The following CDH4 variants were observed in gnomAD, a reference collection of about 807,000 sequenced individuals.
CDH4 encodes cadherin 4, also known as cadherin-4.
Under a neutral mutation model 86.0 loss-of-function variants are expected in CDH4, and 33 were observed. That is an observed-to-expected ratio of 0.38 (90% CI 0.29 to 0.51). CDH4 has a LOEUF of 0.51. Among genes scored for constraint, CDH4 ranks in the 20% least tolerant of loss-of-function variants. The pLI, the probability that CDH4 is intolerant of heterozygous loss-of-function variation, is 0.86. For synonymous variants in CDH4, 555 were observed against 549.4 expected (o/e 1.01, Z -0.14); for missense variants, 1,114 against 1,307.4 (o/e 0.85, Z 2.28).
intron 6 of CDH4, among the ~76,000 whole-genome samples, chr20:61,864,125 C>T (rs1048468752): frequency 2.0e-5 from 3 of 152,258 alleles, no homozygotes; most frequent in Non-Finnish European, 4.4e-5. Flanking sequence ...GGGCCTAAGA[C>T]GGTGGAGGCA....
intron 2 of CDH4, among the ~76,000 whole-genome samples, chr20:61,282,575 G>T (rs116710818): frequency 0.014 from 2,116 of 151,608 alleles, 39 homozygotes; most frequent in African/African-American, 0.049. Context: ...GTGTGTGTAT[G>T]TCTATCTGTA....
chr20:61,923,307 G>T, intron 9 of CDH4, 144 bp from the exon 10 acceptor site: 1 of 811,964 alleles, frequency 1.2e-6, no homozygotes, highest in Non-Finnish European at 2.0e-6. Context: ...GGGACCCTTT[G>T]GGGCCTCCTG....
chr20:61,432,477 A>G (rs2085253276), intron 2 of CDH4, among the ~76,000 whole-genome samples: 1 of 152,082 alleles, frequency 6.6e-6, no homozygotes, highest in African/African-American at 2.4e-5. Context: ...ACCATTATTC[A>G]ATTGTATATC....
intron 2 of CDH4, among the ~76,000 whole-genome samples, chr20:61,352,753 C>T (rs560270358): frequency 2.0e-5 from 3 of 152,164 alleles, no homozygotes; most frequent in Admixed American, 2.0e-4. Flanking sequence ...GCCATTCACT[C>T]CCCCCGGTCA....
intron 7 of CDH4, among the ~76,000 whole-genome samples, chr20:61,893,352 A>G (rs1256125724): frequency 0.014 from 553 of 38,862 alleles, no homozygotes; most frequent in East Asian, 0.026. Context: ...TGGATAAATG[A>G]ATGGGTGGGT....
chr20:61,638,023 C>A (rs1600828997), intron 2 of CDH4, among the ~76,000 whole-genome samples: 1 of 49,204 alleles, frequency 2.0e-5, no homozygotes, highest in South Asian at 7.6e-4. Flanking sequence ...AAGAATAAAA[C>A]TCCGTCTAAA....
At chr20:61,432,617 A>G (rs889276881) in intron 2 of CDH4, among the ~76,000 whole-genome samples, 1 of 152,112 alleles carries the variant, frequency 6.6e-6, no homozygotes. Flanking sequence ...ATATATTTCA[A>G]TATACATATT....
At chr20:61,815,380 G>A (rs1217759541) in intron 4 of CDH4, among the ~76,000 whole-genome samples, 2 of 152,226 alleles carry the variant, frequency 1.3e-5, no homozygotes, top group Non-Finnish European at 2.9e-5. Flanking sequence ...TGGCCTCTGT[G>A]ATAACTCCAG....
At chr20:61,931,787 C>T (rs2055113564) in intron 13 of CDH4, among the ~76,000 whole-genome samples, 1 of 152,150 alleles carries the variant, frequency 6.6e-6, no homozygotes, top group African/African-American at 2.4e-5. Context: ...ACACGGACCT[C>T]GGAAGGCAGG....
At position 61,480,495 on chromosome 20, in the gene CDH4, G is replaced by A. The variant is rs2085562810; in HGVS notation, c.169+225558G>A. On this transcript the variant is annotated intron_variant, in intron 2 of 15. Transcript: ENST00000614565. The surrounding 1 kb of genome is among the most constrained non-coding windows in gnomAD (Gnocchi z 5.2). ...TGCCCGATGAGACATGTTCCCTGAG[G>A]AACCCAGGCAGAACTGGACCCTGCA... 1.3e-5 allele frequency among the ~76,000 whole-genome samples: 2 copies of A among 152,228 alleles called. No individual in the cohort carries two copies. The highest frequency in any genetic ancestry group is 2.1e-4 in the South Asian group (1 of 4,832).
chr20:61,554,698 G>T (rs983633509), intron 2 of CDH4, among the ~76,000 whole-genome samples: 2 of 152,252 alleles, frequency 1.3e-5, no homozygotes, highest in African/African-American at 4.8e-5. Context: ...GAAACACTGT[G>T]GATCTGTTGT....
At chr20:61,601,433 C>T (rs554008563) in intron 2 of CDH4, among the ~76,000 whole-genome samples, 116 of 152,258 alleles carry the variant, frequency 7.6e-4, no homozygotes, top group African/African-American at 2.6e-3. Flanking sequence ...GCCCAGTGCC[C>T]CACACCCCTC....
intron 2 of CDH4, among the ~76,000 whole-genome samples, chr20:61,719,938 T>A (rs1355055576): frequency 1.3e-5 from 2 of 152,150 alleles, no homozygotes; most frequent in Non-Finnish European, 2.9e-5. Context: ...TGATAAGACA[T>A]TGCGGTGTGC....
chr20:61,729,479 G>T (rs1201317143), intron 2 of CDH4, among the ~76,000 whole-genome samples: 1 of 152,186 alleles, frequency 6.6e-6, no homozygotes, highest in African/African-American at 2.4e-5. Flanking sequence ...CCAGAACCTA[G>T]AGAAATTCCT....
At chr20:61,499,744 C>T (rs1460978546) in intron 2 of CDH4, among the ~76,000 whole-genome samples, 1 of 152,166 alleles carries the variant, frequency 6.6e-6, no homozygotes, top group Admixed American at 6.5e-5. Flanking sequence ...GCTGAGCAGA[C>T]ACCAGGAACA....
intron 6 of CDH4, among the ~76,000 whole-genome samples, chr20:61,855,768 C>T (rs930493146): frequency 3.3e-5 from 5 of 152,264 alleles, no homozygotes; most frequent in Admixed American, 1.3e-4. Context: ...ATTTGCAGAG[C>T]TGGGCACGGC....
At position 61,720,636 on chromosome 20, in the gene CDH4, T is replaced by G. The variant is rs1214516855; in HGVS notation, c.170-22927T>G. On this transcript the variant is annotated intron_variant, in intron 2 of 15. Transcript: ENST00000614565. The stretch of plus-strand genomic sequence containing the variant: ...ATGCAGGGGTGCAGAGTGCCATTCC[T>G]AAGCCATCGTCTTGTGTCTGTGTTC... Among the ~76,000 whole-genome samples the G allele has an allele frequency of 7.7e-5, 4 of 51,744 alleles. No homozygotes were observed. The Admixed American group carries it at 8.6e-4, about 11-fold the overall frequency. The allele number at this position is 51,744 out of a possible 152,430, so 33.9% of individuals were successfully genotyped here. A position where few individuals can be genotyped will look rare whatever the true frequency, so the allele number is the denominator to read the frequency against.
chr20:61,332,361 C>G (rs534283905), intron 2 of CDH4, among the ~76,000 whole-genome samples: 1 of 152,330 alleles, frequency 6.6e-6, no homozygotes, highest in Admixed American at 6.5e-5. Flanking sequence ...TGATGCTGGC[C>G]CACTGCACAG....
intron 2 of CDH4, among the ~76,000 whole-genome samples, chr20:61,433,563 A>G (rs1316411512): frequency 3.3e-5 from 5 of 152,284 alleles, no homozygotes; most frequent in South Asian, 2.1e-4. Context: ...ACTCTCAAAA[A>G]TCACTGAAGT....
Sources: allele counts gnomAD v4.1 joint callset (sites outside exome capture counted in the v4.1 genomes callset), GRCh38; gene constraint gnomAD v4.1.1; non-coding constraint Gnocchi (gnomAD v3.1); transcripts MANE v1.5; gene names NCBI Gene and HGNC (gene_info 2026-07-23, HGNC 2026-07-21).